The following SLC2A13 variants were observed in gnomAD, a reference collection of about 807,000 sequenced individuals.
SLC2A13 encodes solute carrier family 2 member 13.
A neutral mutation model predicts 64.4 loss-of-function variants in SLC2A13; 32 were observed. The ratio of observed to expected loss-of-function variants is 0.50; its 90% CI spans 0.37 to 0.67. The LOEUF is 0.67. Among genes scored for constraint, SLC2A13 ranks in the 30% least tolerant of loss-of-function variants. The pLI is 0.00. For missense variants in SLC2A13, 743 were observed against 829.2 expected (o/e 0.90, Z 1.28); for synonymous variants, 338 against 327.1 (o/e 1.03, Z -0.36).
At chr12:40,010,332 T>C (rs186151643) in intron 3 of SLC2A13, among the ~76,000 whole-genome samples, 9 of 152,334 alleles carry the variant, frequency 5.9e-5, no homozygotes, top group Non-Finnish European at 1.3e-4. Context: ...CGCCCTGTTG[T>C]CTGAAATATT....
intron 2 of SLC2A13, among the ~76,000 whole-genome samples, chr12:40,032,834 G>T (rs1054957381): frequency 6.6e-6 from 1 of 152,122 alleles, no homozygotes; most frequent in Non-Finnish European, 1.5e-5. Context: ...TGCACTTCAC[G>T]ATCATTGACC....
Position 40,077,140 on chromosome 12 carries a change from A to G in SLC2A13, c.556+28113T>C, listed in dbSNP as rs572946361. Among the ~76,000 whole-genome samples, 7 of 152,248 alleles carry G rather than the reference A, an allele frequency of 4.6e-5. No individual in the cohort carries two copies. In the South Asian group the frequency reaches 1.5e-3, roughly 32 times the overall value. On this transcript the variant is annotated intron_variant, in intron 1 of 9. Transcript: ENST00000280871. ...CACACTAGTTTATTTTGCTATGTAG[A>G]AGCTCTTTAGTTTAACTAGATCCTA... is the stretch of plus-strand genomic sequence containing the variant.
chr12:40,096,266 G>T, intron 1 of SLC2A13, among the ~76,000 whole-genome samples: 1 of 151,880 alleles, frequency 6.6e-6, no homozygotes, highest in East Asian at 1.9e-4. Flanking sequence ...AGTAAGTATC[G>T]TGTTCTTTTA....
At chr12:39,980,483 A>G (rs1475031154) in intron 3 of SLC2A13, among the ~76,000 whole-genome samples, 2 of 151,806 alleles carry the variant, frequency 1.3e-5, no homozygotes, top group East Asian at 1.9e-4. Flanking sequence ...AGGAAGATCT[A>G]CCAAGCAAAT....
At chr12:39,938,052 G>A (rs1040750585) in intron 4 of SLC2A13, among the ~76,000 whole-genome samples, 3 of 152,072 alleles carry the variant, frequency 2.0e-5, no homozygotes, top group African/African-American at 4.8e-5. Flanking sequence ...CTGTATCGAC[G>A]GGTAGAGGGT....
At chr12:39,870,835 A>G (rs1944029535) in intron 5 of SLC2A13, among the ~76,000 whole-genome samples, 1 of 152,132 alleles carries the variant, frequency 6.6e-6, no homozygotes, top group Admixed American at 6.6e-5. Flanking sequence ...GGGTCAGGAG[A>G]GGGTATGTAT....
rs143798365 is a variant in SLC2A13, at chr12:39,785,684, G to A, written c.1446-20826C>T. On this transcript the variant is annotated intron_variant, in intron 7 of 9. Transcript: ENST00000280871. ...CCACAGACACTCAACGCCAGCCCGT[G>A]AAAGCAGCCAGGAGGGAGGCTCTAC... Among the ~76,000 whole-genome samples, 1,348 of 152,270 alleles carry A rather than the reference G, an allele frequency of 8.9e-3. 15 individuals are homozygous for A. Among genetic ancestry groups the A allele is most frequent in the African/African-American group, 0.03 (1,242 of 41,546 alleles).
At chr12:39,878,280 A>C (rs879344759) in intron 4 of SLC2A13, among the ~76,000 whole-genome samples, 2 of 152,232 alleles carry the variant, frequency 1.3e-5, no homozygotes, top group African/African-American at 2.4e-5. Context: ...TGACGTTGGC[A>C]CTGTGTAATG....
In SLC2A13 at chr12:39,951,321, G is replaced by A; in HGVS notation, c.970C>T (p.Arg324Ter). Reference protein sequence around the residue: ...CRMLSYPPTRRALIVGCGLQM... With the variant: ...CRMLSYPPTR ...AGGCCACAACCCACAATTAAAGCTC[G>A]GCGAGTTGGGGGATAACTCAGCATT... The change falls in exon 4 of 10, where the codon CGA (arginine) becomes TGA (stop). Residue 324 changes from arginine (R) to a stop codon, truncating the protein, a stop_gained. Transcript: ENST00000280871. LOFTEE classifies it high-confidence loss of function. 6.2e-7 allele frequency: 1 copy of A among 1,610,992 alleles called. No individual in the cohort carries two copies. Among genetic ancestry groups the A allele is most frequent in the Non-Finnish European group, 8.5e-7 (1 of 1,178,338 alleles).
chr12:39,811,134 G>A (rs1177542251), intron 7 of SLC2A13, among the ~76,000 whole-genome samples: 1 of 151,944 alleles, frequency 6.6e-6, no homozygotes, highest in Non-Finnish European at 1.5e-5. Flanking sequence ...TGTGTCACCA[G>A]GAATTTTCTC....
In SLC2A13 at chr12:39,837,267, T is replaced by C. The variant is rs1420663547; in HGVS notation, c.1320-7039A>G. 2.0e-5 allele frequency among the ~76,000 whole-genome samples: 3 copies of C among 150,342 alleles called. No individual in the cohort carries two copies. The East Asian group carries it at 5.9e-4, about 29-fold the overall frequency. On this transcript the variant is annotated intron_variant, in intron 6 of 9. Coordinates refer to ENST00000280871, the MANE Select transcript of SLC2A13 (RefSeq NM_052885.4). ...GGATTCCCTATTTAATAAATGGTGC[T>C]GGGAAAACTGGCTAGCCATATGTAG...
chr12:40,028,583 T>C (rs1321543908), intron 2 of SLC2A13, 74 bp from the exon 3 acceptor site: 2 of 1,444,798 alleles, frequency 1.4e-6, no homozygotes, highest in South Asian at 1.2e-5. Context: ...TACTTTTGTG[T>C]TGTGTTGACA....
intron 4 of SLC2A13, among the ~76,000 whole-genome samples, chr12:39,934,325 T>C (rs1382497361): frequency 6.6e-6 from 1 of 152,172 alleles, no homozygotes; most frequent in Non-Finnish European, 1.5e-5. Context: ...AGGACATATA[T>C]GGTGAAAGTT....
intron 3 of SLC2A13, among the ~76,000 whole-genome samples, chr12:39,976,422 G>T (rs2136138705): frequency 6.6e-6 from 1 of 152,336 alleles, no homozygotes; most frequent in South Asian, 2.1e-4. Flanking sequence ...TTGCAAACAA[G>T]AGAGATATAT....
At chr12:39,948,315 C>T (rs1337303173) in intron 4 of SLC2A13, among the ~76,000 whole-genome samples, 1 of 151,860 alleles carries the variant, frequency 6.6e-6, no homozygotes, top group Non-Finnish European at 1.5e-5. Flanking sequence ...TATAAAGAAA[C>T]ATAAGTTATC....
chr12:40,093,721 A>C (rs972701505), intron 1 of SLC2A13, among the ~76,000 whole-genome samples: 15 of 152,130 alleles, frequency 9.9e-5, no homozygotes, highest in African/African-American at 3.6e-4. Flanking sequence ...GCCCATAAAA[A>C]GGCCTGGAAG....
At chr12:39,955,124 T>A (rs943406755) in intron 3 of SLC2A13, among the ~76,000 whole-genome samples, 4 of 152,218 alleles carry the variant, frequency 2.6e-5, no homozygotes, top group African/African-American at 9.6e-5. Context: ...TTCTGAGCTC[T>A]AAACTAGTCT....
chr12:39,917,118 C>G (rs1312977410), intron 4 of SLC2A13, among the ~76,000 whole-genome samples: 1 of 152,036 alleles, frequency 6.6e-6, no homozygotes, highest in Non-Finnish European at 1.5e-5. Context: ...ACCCATCAAT[C>G]AAATATGTGC....
intron 4 of SLC2A13, among the ~76,000 whole-genome samples, chr12:39,948,998 A>G (rs1037996372): frequency 1.3e-5 from 2 of 152,196 alleles, no homozygotes; most frequent in East Asian, 3.8e-4. Context: ...AAAGATACAT[A>G]CATATACACA....
Sources: gnomAD v4.1 joint callset for allele counts (sites outside exome capture counted in the v4.1 genomes callset) on GRCh38, gnomAD v4.1.1 for gene constraint, MANE v1.5 for transcripts, NCBI Gene and HGNC (gene_info 2026-07-23, HGNC 2026-07-21) for gene names.